Variants in TRIM5 observed in about 807,000 individuals in gnomAD.
The protein encoded by TRIM5 is tripartite motif-containing protein 5.
Under a neutral mutation model 35.6 loss-of-function variants are expected in TRIM5, and 31 were observed. That is an observed-to-expected ratio of 0.87 (90% confidence interval 0.65 to 1.18). The LOEUF is 1.18. Ranked by LOEUF, TRIM5 falls within the 50% of genes most tolerant of loss-of-function variation. The probability of loss-of-function intolerance (pLI) is 0.00; values close to 1 mark genes in which losing one functional copy is unlikely to be tolerated. For missense variants in TRIM5, 609 were observed against 591.6 expected (o/e 1.03, Z -0.31); for synonymous variants, 243 against 215.6 (o/e 1.13, Z -1.11).
the TRIM5 span, among the ~76,000 whole-genome samples, chr11:5,649,006 C>T: frequency 6.6e-6 from 1 of 152,164 alleles, no homozygotes; most frequent in African/African-American, 2.4e-5. Flanking sequence ...GTTTGCTTCT[C>T]AAGCCCCTCT....
intron 4 of TRIM5, among the ~76,000 whole-genome samples, chr11:5,676,422 G>GTT (rs1222859289): frequency 6.6e-6 from 1 of 152,182 alleles, no homozygotes; most frequent in East Asian, 1.9e-4. Context: ...CTTCTTCAAG[G>GTT]AGAACTACAA....
chr11:5,624,306 T>C, the TRIM5 span, among the ~76,000 whole-genome samples: 3 of 152,216 alleles, frequency 2.0e-5, no homozygotes, highest in Non-Finnish European at 2.9e-5. Flanking sequence ...TTGATGAGTT[T>C]TGAAAAAGTT....
chr11:5,635,972 G>A, the TRIM5 span, among the ~76,000 whole-genome samples: 1 of 152,206 alleles, frequency 6.6e-6, no homozygotes, highest in Non-Finnish European at 1.5e-5. Context: ...AGGAAAAACT[G>A]CTTGGCAGTT....
In TRIM5 at chr11:5,663,648, A is replaced by T. The variant is rs2134009012; in HGVS notation, c.*1161T>A. 1 of 817,662 alleles carries T rather than the reference A, an allele frequency of 1.2e-6. No individual in the cohort carries two copies. Among genetic ancestry groups the T allele is most frequent in the Non-Finnish European group, 1.5e-6 (1 of 676,182 alleles). 50.7% of individuals were successfully genotyped at this position (817,662 alleles called of 1,614,324 possible). A position where few individuals can be genotyped will look rare whatever the true frequency, so the allele number is the denominator to read the frequency against. On this transcript the variant is annotated 3_prime_UTR_variant, in exon 8 of 8. Transcript: ENST00000380034. ...GTTTTATTTTGCTTTTAATTGACAA[A>T]TAATAAATATACATATTTATGTGGT...
chr11:5,643,157 G>A, the TRIM5 span: 3 of 1,533,146 alleles, frequency 2.0e-6, no homozygotes, highest in Non-Finnish European at 1.7e-6. Context: ...ATGTCACACT[G>A]AATTCAGTCA....
chr11:5,627,278 G>C, the TRIM5 span, among the ~76,000 whole-genome samples: 8 of 152,056 alleles, frequency 5.3e-5, no homozygotes, highest in Non-Finnish European at 1.0e-4. Flanking sequence ...TACTCGGGAG[G>C]CTGAGGCAAG....
intron 4 of TRIM5, among the ~76,000 whole-genome samples, chr11:5,674,189 G>A (rs754640079): frequency 3.9e-5 from 6 of 152,152 alleles, no homozygotes; most frequent in Non-Finnish European, 5.9e-5. Flanking sequence ...TAAAAGAGGA[G>A]ACATAAGTGT....
chr11:5,641,156 T>C, the TRIM5 span: 6 of 1,613,488 alleles, frequency 3.7e-6, no homozygotes, highest in African/African-American at 5.3e-5. Context: ...TGTTTTCTCT[T>C]TTCTTTCTAG....
At chr11:5,636,123 C>T in the TRIM5 span, among the ~76,000 whole-genome samples, 1 of 152,134 alleles carries the variant, frequency 6.6e-6, no homozygotes, top group Non-Finnish European at 1.5e-5. Flanking sequence ...TAAAACAACT[C>T]GTATCTCCTT....
chr11:5,654,223 C>CT, the TRIM5 span, among the ~76,000 whole-genome samples: 2 of 151,838 alleles, frequency 1.3e-5, no homozygotes, highest in Admixed American at 1.3e-4. Flanking sequence ...TGTTTTCTTG[C>CT]TTTTTTTGTT....
the TRIM5 span, chr11:5,643,652 A>C: frequency 6.2e-7 from 1 of 1,613,984 alleles, no homozygotes; most frequent in South Asian, 1.1e-5. Context: ...CTGTTTATCC[A>C]TATTTCAATC....
At chr11:5,667,550 C>G in intron 5 of TRIM5, 139 bp downstream of exon 5, 1 of 935,788 alleles carries the variant, frequency 1.1e-6, no homozygotes, top group Non-Finnish European at 1.6e-6. Context: ...TGATTTATGA[C>G]CAGAAATTTA....
the TRIM5 span, among the ~76,000 whole-genome samples, chr11:5,635,758 C>A: frequency 2.6e-5 from 4 of 152,034 alleles, no homozygotes; most frequent in African/African-American, 9.7e-5. Flanking sequence ...TATATCCCAG[C>A]TTTTTTTAAA....
the TRIM5 span, among the ~76,000 whole-genome samples, chr11:5,619,012 G>T: frequency 6.6e-6 from 1 of 152,282 alleles, no homozygotes; most frequent in East Asian, 1.9e-4. Flanking sequence ...AGAAAATGAA[G>T]AATGTGTGAA....
At chr11:5,623,894 G>T in the TRIM5 span, among the ~76,000 whole-genome samples, 2 of 152,188 alleles carry the variant, frequency 1.3e-5, no homozygotes, top group African/African-American at 4.8e-5. Context: ...TACCTTGTCA[G>T]GTGGTTTCCA....
chr11:5,605,539 G>A, the TRIM5 span: 3 of 1,613,870 alleles, frequency 1.9e-6, no homozygotes, highest in Non-Finnish European at 2.5e-6. Context: ...GAGCGTCGAT[G>A]TCAGGGGTCA....
chr11:5,604,260 C>T, the TRIM5 span, among the ~76,000 whole-genome samples: 2,806 of 152,214 alleles, frequency 0.018, 27 homozygotes, highest in Middle Eastern at 0.031. Flanking sequence ...GCAATCCACC[C>T]GCCTCAGCCT....
chr11:5,656,061 A>T, the TRIM5 span, among the ~76,000 whole-genome samples: 2 of 152,166 alleles, frequency 1.3e-5, no homozygotes, highest in Admixed American at 6.5e-5. Context: ...CTAGAAGAAA[A>T]CCTAGGCAAT....
chr11:5,646,610 T>G, the TRIM5 span, among the ~76,000 whole-genome samples: 3 of 152,184 alleles, frequency 2.0e-5, no homozygotes, highest in Non-Finnish European at 4.4e-5. Context: ...GGGAAACGTT[T>G]TTAGCTTAAG....
Sources: gnomAD v4.1 joint callset for allele counts (sites outside exome capture counted in the v4.1 genomes callset) on GRCh38, gnomAD v4.1.1 for gene constraint, MANE v1.5 for transcripts, NCBI Gene and HGNC (gene_info 2026-07-23, HGNC 2026-07-21) for gene names.